The following KCTD9 variants were observed in gnomAD, a reference collection of about 807,000 sequenced individuals.
The protein encoded by KCTD9 is potassium channel tetramerization domain containing 9, also known as BTB/POZ domain-containing protein KCTD9.
KCTD9 carries 17 observed loss-of-function variants against 53.3 expected under a neutral mutation model. The observed-to-expected ratio is 0.32, with a 90% confidence interval of 0.22 to 0.48. The LOEUF is 0.48. Ranked by LOEUF, KCTD9 falls within the 20% of genes least tolerant of loss-of-function variation. The pLI, the probability that KCTD9 is intolerant of heterozygous loss-of-function variation, is 0.99. For missense variants in KCTD9, 179 were observed against 465.5 expected, an observed-to-expected ratio of 0.38 and a Z score of 5.66; for synonymous variants, 128 against 162.7, an observed-to-expected ratio of 0.79 and a Z score of 1.62.
At chr8:25,446,451 TAAG>T (rs149276498) in intron 1 of KCTD9, among the ~76,000 whole-genome samples, 1,552 of 152,256 alleles carry the variant, frequency 0.01, 25 homozygotes, top group African/African-American at 0.035. Context: ...AACTAGAACA[TAAG>T]AAATCATCTC....
At position 25,429,141 on chromosome 8, in the gene KCTD9, T is replaced by A. The variant is rs1801886269; in HGVS notation, c.*716A>T. 1 of 152,204 alleles carries A rather than the reference T, an allele frequency of 6.6e-6. No individual in the cohort carries two copies. Among genetic ancestry groups the A allele is most frequent in the Non-Finnish European group, 1.5e-5 (1 of 68,024 alleles). The allele number at this position is 152,204 out of a possible 1,614,324, so 9.4% of individuals were successfully genotyped here. A position where few individuals can be genotyped will look rare whatever the true frequency, so the allele number is the denominator to read the frequency against. On this transcript the variant is annotated 3_prime_UTR_variant, in exon 12 of 12. Coordinates refer to ENST00000221200, the MANE Select transcript of KCTD9 (RefSeq NM_017634.4). ...TGTAAGTGTTGTAGTGATAGGTAAG[T>A]TATTCCTCCATCCAGAGTTACACTG...
At chr8:25,430,054 G>T in intron 11 of KCTD9, 81 bp from the exon 12 acceptor site, 1 of 811,890 alleles carries the variant, frequency 1.2e-6, no homozygotes, top group Non-Finnish European at 2.2e-6. Context: ...GATTTCTGGG[G>T]CAGATTAGGA....
In KCTD9 at chr8:25,440,584, T is replaced by C; in HGVS notation, c.304A>G (p.Thr102Ala). Reference sequence around the variant, plus strand: ...ACATACACACACACCTACCGTGTAGTTGTAAAGTACCGCCCTCCAACATTT... The same window carrying C: ...ACATACACACACACCTACCGTGTAGCTGTAAAGTACCGCCCTCCAACATTT... The part of the protein sequence containing the change: ...TLNVGGRYFT[T>A]TRSTLVNKEP... The change falls in exon 4 of 12, where the codon ACT (threonine) becomes GCT (alanine). Residue 102 changes from threonine (T) to alanine (A), a missense_variant. Physicochemically the swap from Thr to Ala is moderately conservative, Grantham distance 58. This residue lies in a region of KCTD9 where 115 missense variants were observed against 250.9 expected (regional missense o/e 0.46). Coordinates refer to ENST00000221200, the MANE Select transcript of KCTD9 (RefSeq NM_017634.4). The C allele has an allele frequency of 6.3e-7, 1 of 1,590,760 alleles. No individual in the cohort carries two copies. Among genetic ancestry groups the C allele is most frequent in the African/African-American group, 1.3e-5 (1 of 74,540 alleles).
chr8:25,447,449 A>G (rs1802234595), intron 1 of KCTD9, among the ~76,000 whole-genome samples: 1 of 152,158 alleles, frequency 6.6e-6, no homozygotes. Flanking sequence ...CAGCTAGCTC[A>G]TGGACGTCCC....
chr8:25,452,915 G>C (rs1343202412), intron 1 of KCTD9, among the ~76,000 whole-genome samples: 2 of 150,196 alleles, frequency 1.3e-5, no homozygotes, highest in Non-Finnish European at 2.9e-5. Flanking sequence ...GCCTGTAGTC[G>C]CAGCACCTTG....
At chr8:25,437,847 C>CAAAAAAAA (rs59540797) in intron 6 of KCTD9, among the ~76,000 whole-genome samples, 7 of 62,536 alleles carry the variant, frequency 1.1e-4, no homozygotes, top group African/African-American at 2.8e-4. Flanking sequence ...GACCCTGTCT[C>CAAAAAAAA]AAAAAAAAAA....
At chr8:25,433,950 T>C (rs1055846795) in intron 9 of KCTD9, among the ~76,000 whole-genome samples, 8 of 152,214 alleles carry the variant, frequency 5.3e-5, no homozygotes, top group Non-Finnish European at 1.2e-4. Flanking sequence ...TTAAAGGCAT[T>C]ATTTAGCTAG....
intron 9 of KCTD9, 54 bp from the exon 10 acceptor site, chr8:25,433,489 T>G: frequency 1.1e-6 from 1 of 951,522 alleles, no homozygotes. Context: ...TTGTTCAAAT[T>G]AGCTCAAACA....
chr8:25,433,506 G>GA (rs981929558), intron 9 of KCTD9, 71 bp from the exon 10 acceptor site: 39 of 688,524 alleles, frequency 5.7e-5, no homozygotes, highest in South Asian at 1.4e-4. Flanking sequence ...AACAGTAAAA[G>GA]AAAAAAAATA....
intron 1 of KCTD9, among the ~76,000 whole-genome samples, chr8:25,454,662 C>G (rs1802398136): frequency 6.6e-6 from 1 of 152,172 alleles, no homozygotes; most frequent in Admixed American, 6.5e-5. Flanking sequence ...CAAAAAAAAC[C>G]CTCAAAATTT....
chr8:25,438,600 T>C (rs1361071061), intron 6 of KCTD9, among the ~76,000 whole-genome samples: 2 of 152,250 alleles, frequency 1.3e-5, no homozygotes, highest in Non-Finnish European at 2.9e-5. Context: ...GATTGCCAAC[T>C]GCCTACCATT....
intron 1 of KCTD9, 28 bp downstream of exon 1, chr8:25,458,171 C>G (rs1433460021): frequency 1.3e-6 from 2 of 1,525,214 alleles, no homozygotes; most frequent in Non-Finnish European, 1.8e-6. Flanking sequence ...GACCCCCGGC[C>G]CGCCGCGCCC....
chr8:25,457,909 C>A (rs1802495789), intron 1 of KCTD9, among the ~76,000 whole-genome samples: 1 of 151,258 alleles, frequency 6.6e-6, no homozygotes, highest in African/African-American at 2.4e-5. Context: ...CCTCCCCGCG[C>A]CCCCGTCCCC....
chr8:25,444,271 T>C, intron 3 of KCTD9, 21 bp downstream of exon 3: 3 of 1,411,476 alleles, frequency 2.1e-6, no homozygotes, highest in Admixed American at 4.5e-5. Flanking sequence ...GCAGATAAAA[T>C]TGGCTTTTAA....
In KCTD9 at chr8:25,439,320, C is replaced by T; in HGVS notation, c.458G>A (p.Arg153His). The T allele has an allele frequency of 6.8e-6, 11 of 1,612,580 alleles. No individual in the cohort carries two copies. The highest frequency in any genetic ancestry group is 1.7e-4 in the Middle Eastern group (1 of 5,736). ...EYFEPILNYL[R>H]HGQLIVNDGI... is the part of the protein sequence containing the mutation. ...ATCATTTACAATGAGCTGTCCATGA[C>T]GCAAGTAGTTCAAAATGGGTTCGAA... The change falls in exon 6 of 12, where the codon CGT (arginine) becomes CAT (histidine). Residue 153 changes from arginine to histidine, a missense_variant. By Grantham distance (29) the Arg-to-His change is conservative (BLOSUM62 0). Coordinates refer to ENST00000221200, the MANE Select transcript of KCTD9 (RefSeq NM_017634.4).
At chr8:25,457,251 G>A (rs1586445137) in intron 1 of KCTD9, 1 of 443,454 alleles carries the variant, frequency 2.3e-6, no homozygotes, top group African/African-American at 2.1e-5. Context: ...CGAATGTGCA[G>A]GCAGCAGAGT....
At chr8:25,438,048 A>C (rs1274650141) in intron 6 of KCTD9, among the ~76,000 whole-genome samples, 2 of 152,088 alleles carry the variant, frequency 1.3e-5, no homozygotes, top group African/African-American at 4.8e-5. Flanking sequence ...TGAATCCAGC[A>C]GAGAGCTCTG....
rs1351291346 is a variant in KCTD9, at chr8:25,428,120, T to C, written c.*1737A>G. 1.3e-5 allele frequency: 2 copies of C among 152,648 alleles called. No individual in the cohort carries two copies. The highest frequency in any genetic ancestry group is 3.8e-4 in the East Asian group (2 of 5,198). The allele number at this position is 152,648 out of a possible 1,614,324, so 9.5% of individuals were successfully genotyped here. On this transcript the variant is annotated 3_prime_UTR_variant, in exon 12 of 12. Coordinates refer to ENST00000221200, the MANE Select transcript of KCTD9 (RefSeq NM_017634.4). ...ACCATGTTTAGATCTTTCAGATCCT[T>C]CTGCAGTTTTAGGTTATTTCTACAG...
intron 11 of KCTD9, among the ~76,000 whole-genome samples, chr8:25,430,660 C>A (rs1323111486): frequency 1.3e-5 from 2 of 152,086 alleles, no homozygotes; most frequent in Non-Finnish European, 2.9e-5. Flanking sequence ...AAATAAAGTG[C>A]ACAATAAATG....
Sources: allele counts gnomAD v4.1 joint callset (sites outside exome capture counted in the v4.1 genomes callset), GRCh38; gene constraint gnomAD v4.1.1; regional missense constraint gnomAD v4.1.1; transcripts MANE v1.5; gene names NCBI Gene and HGNC (gene_info 2026-07-23, HGNC 2026-07-21).